Variants in TNFAIP8 observed in about 807,000 individuals in gnomAD.
TNFAIP8 encodes tumor necrosis factor alpha-induced protein 8.
In TNFAIP8, 7 loss-of-function variants were observed where a neutral mutation model predicts 13.3. The ratio of observed to expected loss-of-function variants is 0.52; its 90% CI spans 0.30 to 0.99. TNFAIP8 has a LOEUF of 0.99. Ranked by LOEUF, TNFAIP8 falls within the 50% of genes least tolerant of loss-of-function variation. The probability of loss-of-function intolerance (pLI) is 0.07; values close to 1 mark genes in which losing one functional copy is unlikely to be tolerated. For missense variants in TNFAIP8, 258 were observed against 236.9 expected, an observed-to-expected ratio of 1.09 and a Z score of -0.58; for synonymous variants, 94 against 87.6, an observed-to-expected ratio of 1.07 and a Z score of -0.41.
At chr5:119,366,285 T>C (rs1316564877) in intron 1 of TNFAIP8, among the ~76,000 whole-genome samples, 2 of 152,030 alleles carry the variant, frequency 1.3e-5, no homozygotes, top group East Asian at 3.9e-4. Context: ...GGAGAGAAAG[T>C]GGGGTGCTGG....
chr5:119,371,998 G>A (rs184914099), intron 1 of TNFAIP8, among the ~76,000 whole-genome samples: 38 of 152,130 alleles, frequency 2.5e-4, no homozygotes, highest in Admixed American at 2.2e-3. Context: ...TTAGCCGGGC[G>A]TGGTGGCGGG....
intron 1 of TNFAIP8, among the ~76,000 whole-genome samples, chr5:119,363,045 C>T (rs940070620): frequency 6.6e-6 from 1 of 151,950 alleles, no homozygotes; most frequent in Non-Finnish European, 1.5e-5. Context: ...ATGGATTTAG[C>T]TTCTGAGAAT....
chr5:119,301,189 C>G (rs1749380170), intron 1 of TNFAIP8, among the ~76,000 whole-genome samples: 2 of 152,216 alleles, frequency 1.3e-5, no homozygotes, highest in South Asian at 2.1e-4. Flanking sequence ...AGATTAAAAT[C>G]TGAGCTTCGT....
chr5:119,312,269 T>C (rs1749753864), intron 1 of TNFAIP8, among the ~76,000 whole-genome samples: 1 of 152,230 alleles, frequency 6.6e-6, no homozygotes, highest in African/African-American at 2.4e-5. Flanking sequence ...CTGACTCTGC[T>C]CTTTCTGCTA....
At chr5:119,297,406 T>C (rs1430173529) in intron 1 of TNFAIP8, among the ~76,000 whole-genome samples, 1 of 152,218 alleles carries the variant, frequency 6.6e-6, no homozygotes, top group Non-Finnish European at 1.5e-5. Flanking sequence ...TTCCATGTAG[T>C]TGAGCGGTTT....
chr5:119,342,660 TCTAGTCATGTTA>T (rs1750777841), intron 1 of TNFAIP8, among the ~76,000 whole-genome samples: 1 of 152,228 alleles, frequency 6.6e-6, no homozygotes, highest in Non-Finnish European at 1.5e-5. Flanking sequence ...GGCTGCTATC[TCTAGTCATGTTA>T]CTAAGTTATC....
chr5:119,328,717 G>A (rs989407324), intron 1 of TNFAIP8, among the ~76,000 whole-genome samples: 2 of 152,182 alleles, frequency 1.3e-5, no homozygotes, highest in Admixed American at 6.5e-5. Flanking sequence ...AATATCATAT[G>A]TTCCCTTATT....
chr5:119,336,801 A>G (rs1473747566), intron 1 of TNFAIP8, among the ~76,000 whole-genome samples: 1 of 152,214 alleles, frequency 6.6e-6, no homozygotes, highest in African/African-American at 2.4e-5. Flanking sequence ...TGAATATTAA[A>G]TGTTATTTAA....
At chr5:119,389,608 C>A (rs1478078711) in intron 1 of TNFAIP8, among the ~76,000 whole-genome samples, 1 of 152,162 alleles carries the variant, frequency 6.6e-6, no homozygotes, top group Non-Finnish European at 1.5e-5. Flanking sequence ...CGACTCTCAG[C>A]CACAAGCCCC....
At chr5:119,375,051 A>G (rs941396211) in intron 1 of TNFAIP8, among the ~76,000 whole-genome samples, 1 of 152,172 alleles carries the variant, frequency 6.6e-6, no homozygotes, top group African/African-American at 2.4e-5. Context: ...TGTGATATGA[A>G]TTTTATCTTA....
At chr5:119,377,681 C>G (rs1037388866) in intron 1 of TNFAIP8, among the ~76,000 whole-genome samples, 2 of 152,204 alleles carry the variant, frequency 1.3e-5, no homozygotes, top group Non-Finnish European at 2.9e-5. Flanking sequence ...CATGATCACT[C>G]TTAACCTTCC....
At chr5:119,287,691 T>C (rs939247292) in intron 1 of TNFAIP8, among the ~76,000 whole-genome samples, 4 of 152,198 alleles carry the variant, frequency 2.6e-5, no homozygotes, top group Non-Finnish European at 5.9e-5. Context: ...CTCATCTTTG[T>C]GCCCGTGTTC....
Position 119,379,210 on chromosome 5 carries a change from A to C in TNFAIP8, c.32-13606A>C, listed in dbSNP as rs368821251. 4.3e-4 allele frequency among the ~76,000 whole-genome samples: 66 copies of C among 152,302 alleles called. 2 individuals are homozygous for C. The South Asian group carries it at 0.013, about 31-fold the overall frequency. On this transcript the variant is annotated intron_variant, in intron 1 of 1. Coordinates refer to ENST00000504771, the MANE Select transcript of TNFAIP8 (RefSeq NM_014350.4). ...ACACCTTCATGAATTGCTGTAAAAG[A>C]GAGTGAAGGGTTCCATGGAGGCAGA... is the stretch of plus-strand genomic sequence containing the variant.
At chr5:119,367,577 GT>G (rs1270084288) in intron 1 of TNFAIP8, among the ~76,000 whole-genome samples, 1 of 152,110 alleles carries the variant, frequency 6.6e-6, no homozygotes, top group African/African-American at 2.4e-5. Context: ...TAAAGCTTCA[GT>G]TAGCCAGATT....
chr5:119,368,339 A>G (rs113803463), intron 1 of TNFAIP8, among the ~76,000 whole-genome samples: 9 of 149,762 alleles, frequency 6.0e-5, no homozygotes, highest in African/African-American at 1.7e-4. Flanking sequence ...TTTTTTTGCT[A>G]TCTCCCGAAA....
intron 1 of TNFAIP8, among the ~76,000 whole-genome samples, chr5:119,303,591 T>C (rs762872958): frequency 7.9e-5 from 12 of 152,188 alleles, no homozygotes; most frequent in Admixed American, 2.0e-4. Flanking sequence ...AGATGTGTAA[T>C]GGCATATTAA....
intron 1 of TNFAIP8, among the ~76,000 whole-genome samples, chr5:119,293,990 G>A (rs1186407012): frequency 6.6e-6 from 1 of 152,090 alleles, no homozygotes; most frequent in Non-Finnish European, 1.5e-5. Flanking sequence ...CAAATCCATA[G>A]TATATCAATT....
chr5:119,296,052 T>C (rs1377755973), intron 1 of TNFAIP8, among the ~76,000 whole-genome samples: 2 of 150,064 alleles, frequency 1.3e-5, no homozygotes, highest in African/African-American at 2.5e-5. Flanking sequence ...TTTCTAGATA[T>C]ACAATCATGT....
chr5:119,297,096 T>G (rs1384920186), intron 1 of TNFAIP8, among the ~76,000 whole-genome samples: 1 of 152,220 alleles, frequency 6.6e-6, no homozygotes, highest in African/African-American at 2.4e-5. Context: ...TTCATGTGTC[T>G]CTGTTTCCTT....
Sources: gnomAD v4.1 joint callset for allele counts (sites outside exome capture counted in the v4.1 genomes callset) on GRCh38, gnomAD v4.1.1 for gene constraint, MANE v1.5 for transcripts, NCBI Gene and HGNC (gene_info 2026-07-23, HGNC 2026-07-21) for gene names.